Variants in ZNF761 observed in about 807,000 individuals in gnomAD.
ZNF761 encodes zinc finger protein 761.
A neutral mutation model predicts 59.9 loss-of-function variants in ZNF761; 43 were observed. The observed-to-expected ratio is 0.72, with a 90% CI of 0.56 to 0.92. ZNF761 has a LOEUF of 0.92. Among genes scored for constraint, ZNF761 ranks in the 40% least tolerant of loss-of-function variants. ZNF761 has a pLI of 0.00. For synonymous variants in ZNF761, 294 were observed against 304.8 expected, an observed-to-expected ratio of 0.96 and a Z score of 0.37; for missense variants, 850 against 906.1, an observed-to-expected ratio of 0.94 and a Z score of 0.79.
intron 3 of ZNF761, among the ~76,000 whole-genome samples, chr19:53,448,775 A>AT (rs35551715): frequency 0.062 from 7,731 of 125,054 alleles, 341 homozygotes; most frequent in African/African-American, 0.13. Flanking sequence ...TGGCTAGCTA[A>AT]TTTTTTTTTT....
chr19:53,442,896 A>G, intron 1 of ZNF761: 1 of 394,308 alleles, frequency 2.5e-6, no homozygotes, highest in Non-Finnish European at 4.9e-6. Context: ...AAAATACATA[A>G]TCACTTCTGA....
chr19:53,456,219 T>G lies in ZNF761; in HGVS notation c.1712T>G (p.Leu571Arg), dbSNP rs773394568. The change falls in exon 5 of 5, where the codon CTT becomes CGT. Residue 571 changes from leucine (L) to arginine (R), a missense_variant. Coordinates refer to ENST00000684525, the MANE Select transcript of ZNF761 (RefSeq NM_001289951.2). ...QQLTLKRHRR[L>R]HSGENPYKCE... is the part of the protein sequence containing the mutation. ...TTAACCCTTAAACGCCATCGTAGACTTCATAGTGGAGAGAACCCTTACAAA... is the reference window on the plus strand; with the variant it reads ...TTAACCCTTAAACGCCATCGTAGACGTCATAGTGGAGAGAACCCTTACAAA... 6.2e-7 allele frequency: 1 copy of G among 1,613,694 alleles called. No homozygotes were observed. Among genetic ancestry groups the G allele is most frequent in the African/African-American group, 1.3e-5 (1 of 74,906 alleles).
intron 1 of ZNF761, among the ~76,000 whole-genome samples, chr19:53,440,119 C>T (rs56139915): frequency 2.0e-5 from 3 of 151,600 alleles, no homozygotes; most frequent in Non-Finnish European, 2.9e-5. Context: ...GAGTTCGAGA[C>T]CAGCCTGGGC....
At chr19:53,445,253 A>G (rs1231578105) in intron 1 of ZNF761, 1 of 152,166 alleles carries the variant, frequency 6.6e-6, no homozygotes, top group African/African-American at 2.4e-5. Flanking sequence ...TCTGCATTTT[A>G]TAAATGTTAC....
In ZNF761 at chr19:53,456,245, T is replaced by C. The variant is rs756794513; in HGVS notation, c.1738T>C (p.Cys580Arg). The change falls in exon 5 of 5, where the codon TGT (cysteine) becomes CGT (arginine). Residue 580 changes from cysteine to arginine, a missense_variant. Physicochemically the swap from Cys to Arg is radical, Grantham distance 180. Coordinates refer to ENST00000684525, the MANE Select transcript of ZNF761 (RefSeq NM_001289951.2). ...TCATAGTGGAGAGAACCCTTACAAATGTGAAGATAGTGACAAAGCTTACAG... is the reference window on the plus strand; with the variant it reads ...TCATAGTGGAGAGAACCCTTACAAACGTGAAGATAGTGACAAAGCTTACAG... ...RLHSGENPYK[C>R]EDSDKAYSFK... The C allele has an allele frequency of 9.9e-6, 16 of 1,613,936 alleles. No individual in the cohort carries two copies. Among genetic ancestry groups the C allele is most frequent in the Non-Finnish European group, 1.4e-5 (16 of 1,179,964 alleles).
At chr19:53,451,587 T>A (rs566509415) in intron 4 of ZNF761, among the ~76,000 whole-genome samples, 60 of 151,862 alleles carry the variant, frequency 4.0e-4, no homozygotes, top group Non-Finnish European at 6.9e-4. Context: ...TTCTTTCATT[T>A]CTTTCTTTTT....
In ZNF761 at chr19:53,456,590, T is replaced by C. The variant is rs769336215; in HGVS notation, c.2083T>C (p.Cys695Arg). Residue 695 changes from cysteine (C) to arginine (R), a missense_variant, in exon 5 of 5, where the codon TGT (cysteine) becomes CGT (arginine). Coordinates refer to ENST00000684525, the MANE Select transcript of ZNF761 (RefSeq NM_001289951.2). ...TGEKPYKCNECGKNFSQKSSL... is the reference protein window; with the variant it reads ...TGEKPYKCNERGKNFSQKSSL... ...AGAGAAACCTTATAAGTGTAATGAG[T>C]GTGGCAAGAACTTTAGTCAGAAGTC... 1 of 1,612,984 alleles carries C rather than the reference T, an allele frequency of 6.2e-7. No individual in the cohort carries two copies. The highest frequency in any genetic ancestry group is 2.2e-5 in the East Asian group (1 of 44,764).
intron 1 of ZNF761, chr19:53,441,660 T>C: frequency 2.3e-6 from 1 of 442,564 alleles, no homozygotes; most frequent in Admixed American, 3.4e-5. Context: ...TTGGCCAGGC[T>C]GGCCTTGAAC....
In ZNF761 at chr19:53,455,059, C is replaced by T. The variant is rs748290975; in HGVS notation, c.552C>T (p.Pro184=). ...CAGCCCAAAGAATTTCTTGTAGGCC[C>T]AAAACCCATATATCTAATAACCATG... ...VSTAQRISCR[P]KTHISNNHGN... is the part of the protein sequence containing the mutation. The change falls in exon 5 of 5, where the codon CCC becomes CCT. Residue 184 remains proline, a synonymous_variant. Coordinates refer to ENST00000684525, the MANE Select transcript of ZNF761 (RefSeq NM_001289951.2). 1.3e-5 allele frequency: 21 copies of T among 1,613,988 alleles called. No homozygotes were observed. The highest frequency in any genetic ancestry group is 1.6e-5 in the Non-Finnish European group (19 of 1,180,020).
chr19:53,455,447 G>C lies in ZNF761; in HGVS notation c.940G>C (p.Glu314Gln), dbSNP rs1268563117. ...DKAFHFKSILERHRIIHTEEK... is the reference protein window; with the variant it reads ...DKAFHFKSILQRHRIIHTEEK... ...AGCTTTCCATTTCAAATCAATACTT[G>C]AAAGACATAGGATAATTCATACTGA... Residue 314 changes from glutamate to glutamine, a missense_variant, in exon 5 of 5, where the codon GAA becomes CAA. Glu to Gln is a conservative substitution (Grantham distance 29, BLOSUM62 2). Transcript: ENST00000684525. The C allele has an allele frequency of 3.1e-6, 5 of 1,612,596 alleles. No individual in the cohort carries two copies. The highest frequency in any genetic ancestry group is 1.7e-5 in the Admixed American group (1 of 59,818).
intron 4 of ZNF761, among the ~76,000 whole-genome samples, chr19:53,454,304 A>G (rs776577301): frequency 2.4e-4 from 37 of 152,362 alleles, no homozygotes; most frequent in Non-Finnish European, 5.0e-4. Flanking sequence ...TGCTGTAAAT[A>G]TGAAGAATAT....
At chr19:53,436,168 T>A (rs2086040010) in intron 1 of ZNF761, among the ~76,000 whole-genome samples, 1 of 152,174 alleles carries the variant, frequency 6.6e-6, no homozygotes, top group South Asian at 2.1e-4. Context: ...ACCTATGGCA[T>A]GATTCCTGCA....
chr19:53,433,461 C>CAGCGTTATCTTGTAACTATTCTCT (rs1482125258), intron 1 of ZNF761, among the ~76,000 whole-genome samples: 2 of 143,490 alleles, frequency 1.4e-5, no homozygotes, highest in Non-Finnish European at 3.0e-5. Context: ...TCGACTTCGC[C>CAGCGTTATCTTGTAACTATTCTCT]AAGTCGAGCT....
intron 4 of ZNF761, among the ~76,000 whole-genome samples, chr19:53,452,242 G>A (rs1377030755): frequency 1.3e-5 from 2 of 152,110 alleles, no homozygotes. Flanking sequence ...CAGCACTTTG[G>A]GAGGCTGAGA....
chr19:53,456,174 G>C lies in ZNF761; in HGVS notation c.1667G>C (p.Gly556Ala), dbSNP rs754402814. The change falls in exon 5 of 5, where the codon GGC becomes GCC. Residue 556 changes from glycine (G) to alanine (A), a missense_variant. Physicochemically the swap from Gly to Ala is moderately conservative, Grantham distance 60. Transcript: ENST00000684525. Reference protein sequence around the residue: ...GEKPYKCKECGKTFNQQLTLK... With the variant: ...GEKPYKCKECAKTFNQQLTLK... ...AAACCTTACAAGTGTAAGGAGTGTG[G>C]CAAGACCTTCAATCAGCAGTTAACC... The C allele has an allele frequency of 1.2e-6, 2 of 1,613,394 alleles. No individual in the cohort carries two copies. The highest frequency in any genetic ancestry group is 1.7e-6 in the Non-Finnish European group (2 of 1,179,842).
chr19:53,434,650 T>G (rs79745520), intron 1 of ZNF761, among the ~76,000 whole-genome samples: 1 of 152,228 alleles, frequency 6.6e-6, no homozygotes, highest in African/African-American at 2.4e-5. Flanking sequence ...TTTTCCTTAG[T>G]GAGCAACCCA....
intron 3 of ZNF761, among the ~76,000 whole-genome samples, chr19:53,447,702 C>G (rs76716963): frequency 3.3e-5 from 5 of 152,122 alleles, no homozygotes; most frequent in East Asian, 1.9e-4. Flanking sequence ...TGACCAAGAT[C>G]GAGAAATGTT....
rs376501395 is a variant in ZNF761, at chr19:53,454,897, T to C, written c.390T>C (p.His130=). The part of the protein sequence containing the change: ...TGITERYDQS[H]ARNKPIKDQL... ...TTACAGAACGATATGATCAAAGTCA[T>C]GCTAGAAACAAGCCTATTAAAGATC... The change falls in exon 5 of 5, where the codon CAT becomes CAC. Residue 130 remains histidine, a synonymous_variant. Transcript: ENST00000684525. 1.2e-6 allele frequency: 2 copies of C among 1,614,094 alleles called. No homozygotes were observed. Among genetic ancestry groups the C allele is most frequent in the African/African-American group, 2.7e-5 (2 of 74,938 alleles).
rs181641143 is a variant in ZNF761, at chr19:53,449,327, C to T, written c.16-185C>T. 2.1e-4 allele frequency among the ~76,000 whole-genome samples: 31 copies of T among 150,238 alleles called. No individual in the cohort carries two copies. In the East Asian group the frequency reaches 6.0e-3, roughly 29 times the overall value. ...CCTGGGTGACAGACTGAGACTCCACCTCAAAAAAAAAAAATTTTAGTAAAA... is the reference window on the plus strand; with the variant it reads ...CCTGGGTGACAGACTGAGACTCCACTTCAAAAAAAAAAAATTTTAGTAAAA... On this transcript the variant is annotated intron_variant, in intron 3 of 4. Coordinates refer to ENST00000684525, the MANE Select transcript of ZNF761 (RefSeq NM_001289951.2).
Sources: gnomAD v4.1 joint callset for allele counts (sites outside exome capture counted in the v4.1 genomes callset) on GRCh38, gnomAD v4.1.1 for gene constraint, MANE v1.5 for transcripts, NCBI Gene and HGNC (gene_info 2026-07-23, HGNC 2026-07-21) for gene names.